Variants in ULK2 observed in about 807,000 individuals in gnomAD.
ULK2 encodes unc-51 like autophagy activating kinase 2, also known as serine/threonine-protein kinase ULK2.
In ULK2, 76 loss-of-function variants were observed where a neutral mutation model predicts 127.5. That is an observed-to-expected ratio of 0.60 (90% CI 0.50 to 0.72). The LOEUF is 0.72. Among genes scored for constraint, ULK2 ranks in the 30% least tolerant of loss-of-function variants. ULK2 has a pLI of 0.00. For missense variants in ULK2, 1,144 were observed against 1,295.9 expected, an observed-to-expected ratio of 0.88 and a Z score of 1.80; for synonymous variants, 452 against 461.9, an observed-to-expected ratio of 0.98 and a Z score of 0.28.
Position 19,804,693 on chromosome 17 carries a change from C to T in ULK2, c.1295G>A (p.Arg432Lys). 4 of 1,583,120 alleles carry T rather than the reference C, an allele frequency of 2.5e-6. No individual in the cohort carries two copies. Among genetic ancestry groups the T allele is most frequent in the Non-Finnish European group, 3.4e-6 (4 of 1,164,972 alleles). The change falls in exon 15 of 27, where the codon AGA (arginine) becomes AAA (lysine). Residue 432 changes from arginine to lysine, a missense_variant and splice_region_variant. Physicochemically the swap from Arg to Lys is conservative, Grantham distance 26. Around this residue, in one of 2 missense-constraint regions of ULK2, gnomAD observed 913 missense variants for 970.5 expected, o/e 0.94. Coordinates refer to ENST00000395544, the MANE Select transcript of ULK2 (RefSeq NM_014683.4). ...AGCAAGAAAAAAGCTACTAACTTAC[C>T]TTGGAGAACCATGTACATTTGTGCC... is the stretch of plus-strand genomic sequence containing the variant. Reference protein sequence around the residue: ...SSGTNVHGSPRSAVVRRSNTS... With the variant: ...SSGTNVHGSPKSAVVRRSNTS...
chr17:19,780,408 T>C, intron 25 of ULK2, 64 bp downstream of exon 25: 1 of 1,404,458 alleles, frequency 7.1e-7, no homozygotes, highest in Non-Finnish European at 9.6e-7. Flanking sequence ...CATATAGATA[T>C]TCAATTAAAA....
chr17:19,791,714 C>T (rs2087156291), intron 20 of ULK2, among the ~76,000 whole-genome samples: 2 of 151,524 alleles, frequency 1.3e-5, no homozygotes, highest in Non-Finnish European at 2.9e-5. Flanking sequence ...AAAAATTAGC[C>T]AGGCATGGTG....
chr17:19,838,995 C>A (rs985649318), intron 9 of ULK2, among the ~76,000 whole-genome samples: 4 of 150,536 alleles, frequency 2.7e-5, no homozygotes, highest in African/African-American at 9.8e-5. Flanking sequence ...CATGCCACTG[C>A]ACTCCAGGCT....
In ULK2 at chr17:19,780,647, T is replaced by C. The variant is rs115552427; in HGVS notation, c.2759-18A>G. 1,473 of 1,591,054 alleles carry C rather than the reference T, an allele frequency of 9.3e-4. 11 individuals carry two copies. In the African/African-American group the frequency reaches 0.018, roughly 19 times the overall value. Reference sequence around the variant, plus strand: ...CTTGACAACTGAAAAAAAATTGAGATGGGAACTAATTTTAATTTTCCTCCA... The same window carrying C: ...CTTGACAACTGAAAAAAAATTGAGACGGGAACTAATTTTAATTTTCCTCCA... On this transcript the variant is annotated intron_variant, in intron 24 of 26. Transcript: ENST00000395544.
At chr17:19,835,443 G>A (rs945969966) in intron 10 of ULK2, among the ~76,000 whole-genome samples, 73 of 151,196 alleles carry the variant, frequency 4.8e-4, no homozygotes, top group South Asian at 4.2e-4. Context: ...GAGGCCGGGC[G>A]CGGTGGCTCA....
rs965219497 is a variant in ULK2 at position 19,773,985 on chromosome 17, T to A, written c.*2364A>T. The A allele has an allele frequency of 6.9e-6, 1 of 145,304 alleles. No individual in the cohort carries two copies. Among genetic ancestry groups the A allele is most frequent in the Non-Finnish European group, 1.6e-5 (1 of 64,150 alleles). 9.0% of individuals were successfully genotyped at this position (145,304 alleles called of 1,614,324 possible). ...AACCAACTATATACAGCATAGGCTC[T>A]CTCTCTATATATAGTCCAGTGGAGG... On this transcript the variant is annotated 3_prime_UTR_variant, in exon 27 of 27. Coordinates refer to ENST00000395544, the MANE Select transcript of ULK2 (RefSeq NM_014683.4).
At chr17:19,800,703 GTGTTAC>G in intron 16 of ULK2, among the ~76,000 whole-genome samples, 1 of 152,170 alleles carries the variant, frequency 6.6e-6, no homozygotes, top group South Asian at 2.1e-4. Flanking sequence ...TTCCATCTTA[GTGTTAC>G]TTCAGCAGTT....
Position 19,867,424 on chromosome 17 carries a change from G to GC in ULK2, c.-8dup. On this transcript the variant is annotated 5_prime_UTR_variant, in exon 1 of 27. Transcript: ENST00000395544. ...AGTCACCCACCACCTCCATGGCCGC[G>GC]CCCCCGGGGCACACAGCGGACGGGC... The GC allele has an allele frequency of 1.3e-6, 2 of 1,587,644 alleles. No individual in the cohort carries two copies. Among genetic ancestry groups the GC allele is most frequent in the Admixed American group, 1.7e-5 (1 of 57,620 alleles).
At chr17:19,826,067 A>T in intron 11 of ULK2, 72 bp downstream of exon 11, 1 of 716,460 alleles carries the variant, frequency 1.4e-6, no homozygotes, top group Non-Finnish European at 2.1e-6. Context: ...TGAATTTTGT[A>T]GTAAAAATCA....
rs371407685 is a variant in ULK2 at position 19,846,763 on chromosome 17, C to T, written c.443G>A (p.Ser148Asn). Reference sequence around the variant, plus strand: ...TATTTTGATGCGAATACCACTGACACTTGATTTTCTGCGATTGGCATAGGA... The same window carrying T: ...TATTTTGATGCGAATACCACTGACATTTGATTTTCTGCGATTGGCATAGGA... ...LLSYANRRKS[S>N]VSGIRIKIAD... is the part of the protein sequence containing the mutation. Residue 148 changes from serine to asparagine, a missense_variant, in exon 6 of 27, where the codon AGT becomes AAT. Physicochemically the swap from Ser to Asn is conservative, Grantham distance 46 (BLOSUM62 1). This residue lies in a region of ULK2 where 231 missense variants were observed against 325.4 expected (regional missense o/e 0.71). Coordinates refer to ENST00000395544, the MANE Select transcript of ULK2 (RefSeq NM_014683.4). 27 of 1,611,066 alleles carry T rather than the reference C, an allele frequency of 1.7e-5. No homozygotes were observed. The highest frequency in any genetic ancestry group is 4.5e-5 in the East Asian group (2 of 44,734).
intron 14 of ULK2, 133 bp downstream of exon 14, chr17:19,810,245 A>ACC: frequency 4.2e-6 from 1 of 239,680 alleles, no homozygotes. Flanking sequence ...AAAAAAAAAA[A>ACC]AAAAAAAAAA....
chr17:19,819,398 T>A (rs2041080577), intron 12 of ULK2, among the ~76,000 whole-genome samples: 1 of 152,190 alleles, frequency 6.6e-6, no homozygotes, highest in South Asian at 2.1e-4. Context: ...GAGTACATAC[T>A]TCTCATTTGC....
At chr17:19,784,103 A>G (rs567381951) in intron 21 of ULK2, 198 bp from the exon 22 acceptor site, 7 of 416,370 alleles carry the variant, frequency 1.7e-5, no homozygotes, top group African/African-American at 1.0e-4. Context: ...TTGTCTATAT[A>G]TTTTATATTA....
intron 25 of ULK2, 84 bp from the exon 26 acceptor site, chr17:19,777,800 A>T (rs1567669518): frequency 1.7e-5 from 25 of 1,473,974 alleles, no homozygotes; most frequent in Non-Finnish European, 2.2e-5. Context: ...TTTAAATGGA[A>T]TCCACCTAAA....
intron 20 of ULK2, among the ~76,000 whole-genome samples, chr17:19,792,350 A>C (rs1179196732): frequency 6.6e-6 from 1 of 152,232 alleles, no homozygotes; most frequent in Non-Finnish European, 1.5e-5. Flanking sequence ...AAGAGGAAAC[A>C]AGACCCAAAA....
chr17:19,799,608 G>C (rs1303946909), intron 16 of ULK2, 33 bp from the exon 17 acceptor site: 1 of 1,459,026 alleles, frequency 6.9e-7, no homozygotes, highest in Non-Finnish European at 9.1e-7. Flanking sequence ...GATGGGGAAA[G>C]GAAGAAAAAT....
intron 3 of ULK2, among the ~76,000 whole-genome samples, chr17:19,862,265 T>A (rs1450254822): frequency 6.6e-6 from 1 of 151,782 alleles, no homozygotes; most frequent in Non-Finnish European, 1.5e-5. Context: ...CCCAGCTGAT[T>A]TTTTTATTTT....
At chr17:19,838,962 T>G (rs1032737702) in intron 9 of ULK2, among the ~76,000 whole-genome samples, 3 of 140,410 alleles carry the variant, frequency 2.1e-5, no homozygotes, top group African/African-American at 2.7e-5. Flanking sequence ...ACCCGGGAGG[T>G]GGAGCTTGCA....
chr17:19,809,863 C>A (rs2087595379), intron 14 of ULK2, among the ~76,000 whole-genome samples: 1 of 151,912 alleles, frequency 6.6e-6, no homozygotes, highest in Admixed American at 6.6e-5. Flanking sequence ...CAACATCCCA[C>A]CAATGCACTC....
Sources: gnomAD v4.1 joint callset for allele counts (sites outside exome capture counted in the v4.1 genomes callset) on GRCh38, gnomAD v4.1.1 for gene constraint, gnomAD v4.1.1 regional missense constraint, MANE v1.5 for transcripts, NCBI Gene and HGNC (gene_info 2026-07-23, HGNC 2026-07-21) for gene names.